TNRC18: variants seen among roughly 807,000 people sequenced by gnomAD.
TNRC18 encodes the protein trinucleotide repeat-containing gene 18 protein.
A neutral mutation model predicts 226.7 loss-of-function variants in TNRC18; 69 were observed. The observed-to-expected ratio is 0.30, with a 90% CI of 0.25 to 0.37. The LOEUF is 0.37. Ranked by LOEUF, TNRC18 falls within the 10% of genes least tolerant of loss-of-function variation. TNRC18 has a pLI of 1.00. For synonymous variants in TNRC18, 2,449 were observed against 1,927.6 expected (o/e 1.27, Z -7.09); for missense variants, 4,754 against 4,256.6 (o/e 1.12, Z -3.25).
At chr7:5,337,900 T>G (rs1045309165) in intron 18 of TNRC18, among the ~76,000 whole-genome samples, 2 of 152,022 alleles carry the variant, frequency 1.3e-5, no homozygotes, top group Admixed American at 1.3e-4. Context: ...GGAGAATCGC[T>G]TGAACCCTGG....
chr7:5,418,897 T>C (rs1231112708), intron 2 of TNRC18, among the ~76,000 whole-genome samples: 8 of 152,160 alleles, frequency 5.3e-5, no homozygotes, highest in Non-Finnish European at 1.2e-4. Context: ...GGCGTTGGCC[T>C]GGGGTCCGAG....
At position 5,377,979 on chromosome 7, in the gene TNRC18, T is replaced by C; in HGVS notation, c.2198A>G (p.His733Arg). The C allele has an allele frequency of 6.2e-7, 1 of 1,613,284 alleles. No homozygotes were observed. Among genetic ancestry groups the C allele is most frequent in the Non-Finnish European group, 8.5e-7 (1 of 1,179,796 alleles). Residue 733 changes from histidine (H) to arginine (R), a missense_variant, in exon 6 of 30, where the codon CAC becomes CGC. By Grantham distance (29) the His-to-Arg change is conservative. Transcript: ENST00000430969. The surrounding 1 kb of genome is among the most constrained non-coding windows in gnomAD (Gnocchi z 5.8). ...TGCCCCGAGCAGCCGTTCCTCCCGG[T>C]GTCTGGCCCGGTCGTCCACACAGTC... ...DEDCVDDRAR[H>R]REERLLGARL... is the part of the protein sequence containing the mutation.
rs538189831 is a variant in TNRC18, at chr7:5,418,446, T to C, written c.187+2614A>G. Among the ~76,000 whole-genome samples the C allele has an allele frequency of 2.8e-3, 419 of 152,278 alleles. 1 individual carries two copies. Among genetic ancestry groups the C allele is most frequent in the Non-Finnish European group, 4.8e-3 (326 of 68,008 alleles). On this transcript the variant is annotated intron_variant, in intron 2 of 29. Transcript: ENST00000430969. ...CAGCAGATGGCTGTCAATACTAGCT[T>C]GGATGGGATTCCTCCCCGGGGATCT...
intron 10 of TNRC18, among the ~76,000 whole-genome samples, chr7:5,373,597 G>A (rs572816391): frequency 5.4e-4 from 82 of 152,302 alleles, no homozygotes; most frequent in African/African-American, 2.0e-3. Flanking sequence ...CAGGGAGGAA[G>A]AACACAGTCC....
intron 1 of TNRC18, chr7:5,422,994 C>CA (rs1365659635): frequency 1.3e-5 from 2 of 152,282 alleles, no homozygotes; most frequent in Non-Finnish European, 2.9e-5. Context: ...CCTGGAACAC[C>CA]CTCACACTGG....
chr7:5,396,211 G>C (rs1162083825), intron 2 of TNRC18, among the ~76,000 whole-genome samples: 1 of 151,314 alleles, frequency 6.6e-6, no homozygotes, highest in Non-Finnish European at 1.5e-5. Context: ...AGCTGGGCGT[G>C]GTGGCAGGCA....
chr7:5,364,408 T>C (rs910561045), intron 11 of TNRC18, among the ~76,000 whole-genome samples: 9 of 150,216 alleles, frequency 6.0e-5, no homozygotes, highest in Non-Finnish European at 1.2e-4. Flanking sequence ...CAGTAAGCCA[T>C]GATCACACCA....
Position 5,316,086 on chromosome 7 carries a change from G to C in TNRC18, c.6746-14C>G. On this transcript the variant is annotated splice_polypyrimidine_tract_variant and intron_variant, in intron 24 of 29. Coordinates refer to ENST00000430969, the MANE Select transcript of TNRC18 (RefSeq NM_001080495.3). ...GGTCCAGTAACCCTGTGGGAAGAGG[G>C]GAGGCTCAGGGGAGGCCCTCGGACC... The C allele has an allele frequency of 6.2e-7, 1 of 1,605,640 alleles. No individual in the cohort carries two copies. The highest frequency in any genetic ancestry group is 1.3e-5 in the African/African-American group (1 of 74,684).
chr7:5,373,376 C>T (rs975356927), intron 10 of TNRC18, among the ~76,000 whole-genome samples: 2 of 152,126 alleles, frequency 1.3e-5, no homozygotes, highest in Non-Finnish European at 2.9e-5. Context: ...AGTGTAATCT[C>T]CCTGAGAGCA....
chr7:5,313,219 C>T lies in TNRC18; in HGVS notation c.7672G>A (p.Glu2558Lys), dbSNP rs760296796. Reference sequence around the variant, plus strand: ...CCACTACTGCTGCTGCTGCTGCTCTCGGACTCTTCGGCCCCGTCCTGCTCA... The same window carrying T: ...CCACTACTGCTGCTGCTGCTGCTCTTGGACTCTTCGGCCCCGTCCTGCTCA... The part of the protein sequence containing the change: ...QAEQDGAEES[E>K]SSSSSSSGSS... Residue 2558 changes from glutamate to lysine, a missense_variant, in exon 27 of 30, where the codon GAG (glutamate) becomes AAG (lysine). Transcript: ENST00000430969. The T allele has an allele frequency of 1.0e-5, 16 of 1,548,738 alleles. No individual in the cohort carries two copies. The highest frequency in any genetic ancestry group is 9.5e-5 in the South Asian group (8 of 83,966).
At position 5,371,071 on chromosome 7, in the gene TNRC18, G is replaced by T; in HGVS notation, c.3523C>A (p.Leu1175Met). 6.2e-7 allele frequency: 1 copy of T among 1,611,560 alleles called. No homozygotes were observed. Residue 1175 changes from leucine (L) to methionine (M), a missense_variant, in exon 11 of 30, where the codon CTG becomes ATG. Coordinates refer to ENST00000430969, the MANE Select transcript of TNRC18 (RefSeq NM_001080495.3). ...MDEGPTELPP[L>M]ESPLPLPAAE... ...GCGGGCAGTGGCAGCGGCGACTCCA[G>T]AGGCGGCAGCTCTGTGGGGCCCTCG...
At chr7:5,374,960 G>C (rs535649093) in intron 9 of TNRC18, among the ~76,000 whole-genome samples, 1 of 152,346 alleles carries the variant, frequency 6.6e-6, no homozygotes, top group East Asian at 1.9e-4. Context: ...TGAGGAAATG[G>C]GAGGGAGTCA....
In TNRC18 at chr7:5,388,155, C is replaced by G; in HGVS notation, c.1669G>C (p.Val557Leu). The G allele has an allele frequency of 1.9e-6, 3 of 1,569,786 alleles. No individual in the cohort carries two copies. The highest frequency in any genetic ancestry group is 8.6e-7 in the Non-Finnish European group (1 of 1,159,368). Residue 557 changes from valine to leucine, a missense_variant, in exon 5 of 30, where the codon GTG (valine) becomes CTG (leucine). Transcript: ENST00000430969. The part of the protein sequence containing the change: ...SKKAYLDPGA[V>L]LPRSAATCGR... Reference sequence around the variant, plus strand: ...CAGGTGGCCGCCGAGCGGGGCAGCACAGCCCCAGGGTCCAGGTAGGCCTTC... The same window carrying G: ...CAGGTGGCCGCCGAGCGGGGCAGCAGAGCCCCAGGGTCCAGGTAGGCCTTC...
intron 14 of TNRC18, 107 bp from the exon 15 acceptor site, chr7:5,359,676 A>C: frequency 7.9e-7 from 1 of 1,268,238 alleles, no homozygotes; most frequent in Non-Finnish European, 1.1e-6. Flanking sequence ...CTGAGCGTGG[A>C]CAGTGATGGC....
In TNRC18 at chr7:5,374,307, G is replaced by A. The variant is rs1268662852; in HGVS notation, c.2977C>T (p.Pro993Ser). ...AGTYGKAVSP[P>S]PSPRASPVAA... ...ACAGGGGATGCGCGGGGTGATGGTGGCGGGCTCACGGCCTTGCCGTAGGTG... is the reference window on the plus strand; with the variant it reads ...ACAGGGGATGCGCGGGGTGATGGTGACGGGCTCACGGCCTTGCCGTAGGTG... The change falls in exon 10 of 30, where the codon CCA becomes TCA. Residue 993 changes from proline to serine, a missense_variant. Coordinates refer to ENST00000430969, the MANE Select transcript of TNRC18 (RefSeq NM_001080495.3). 6.9e-7 allele frequency: 1 copy of A among 1,447,316 alleles called. No individual in the cohort carries two copies. The highest frequency in any genetic ancestry group is 1.5e-5 in the South Asian group (1 of 67,394). 89.7% of individuals were successfully genotyped at this position (1,447,316 alleles called of 1,614,324 possible).
At position 5,345,833 on chromosome 7, in the gene TNRC18, C is replaced by T. The variant is rs1031174274; in HGVS notation, c.5471-23G>A. On this transcript the variant is annotated intron_variant, in intron 17 of 29. Transcript: ENST00000430969. Reference sequence around the variant, plus strand: ...CATCTGGCGTGCAGAAAACAGGGACCGAGTCAGAGCCTTGGCCTTGGCGAG... The same window carrying T: ...CATCTGGCGTGCAGAAAACAGGGACTGAGTCAGAGCCTTGGCCTTGGCGAG... 3.2e-5 allele frequency: 49 copies of T among 1,531,966 alleles called. No individual in the cohort carries two copies. In the Middle Eastern group the frequency reaches 8.4e-4, roughly 26 times the overall value. The allele number at this position is 1,531,966 out of a possible 1,614,324, so 94.9% of individuals were successfully genotyped here.
Position 5,348,843 on chromosome 7 carries a change from C to T in TNRC18, c.5470+2976G>A, listed in dbSNP as rs1039413404. On this transcript the variant is annotated intron_variant, in intron 17 of 29. Transcript: ENST00000430969. ...TGCAGGCGTCACATGGCTCTGTCTC[C>T]GCCCCAGTGGGCCACAGCGGCAAAG... is the stretch of plus-strand genomic sequence containing the variant. Among the ~76,000 whole-genome samples, 11 of 152,112 alleles carry T rather than the reference C, an allele frequency of 7.2e-5. No homozygotes were observed. In the East Asian group the frequency reaches 1.2e-3, roughly 16 times the overall value.
chr7:5,345,353 G>A (rs1489518298), intron 18 of TNRC18, among the ~76,000 whole-genome samples: 1 of 152,186 alleles, frequency 6.6e-6, no homozygotes, highest in Non-Finnish European at 1.5e-5. Flanking sequence ...CCTTTGCAAG[G>A]CGAAGAATCC....
intron 11 of TNRC18, among the ~76,000 whole-genome samples, chr7:5,368,664 C>CAAAA (rs534524701): frequency 1.2e-5 from 1 of 82,538 alleles, no homozygotes; most frequent in African/African-American, 5.0e-5. Flanking sequence ...GACTCTGTCT[C>CAAAA]AAAAAAAAAA....
Sources: allele counts gnomAD v4.1 joint callset (sites outside exome capture counted in the v4.1 genomes callset), GRCh38; gene constraint gnomAD v4.1.1; non-coding constraint Gnocchi (gnomAD v3.1); transcripts MANE v1.5; gene names NCBI Gene and HGNC (gene_info 2026-07-23, HGNC 2026-07-21).